The following CENPP variants were observed in gnomAD, a reference collection of about 807,000 sequenced individuals.
The protein encoded by CENPP is centromere protein P.
In CENPP, 24 loss-of-function variants were observed where a neutral mutation model predicts 35.6. The observed-to-expected ratio is 0.67, with a 90% CI of 0.49 to 0.95. The LOEUF is 0.95. Ranked by LOEUF, CENPP falls within the 40% of genes least tolerant of loss-of-function variation. CENPP has a pLI of 0.00. For missense variants in CENPP, 332 were observed against 345.3 expected (o/e 0.96, Z 0.31); for synonymous variants, 120 against 125.5 (o/e 0.96, Z 0.29).
In CENPP at chr9:92,407,040, G is replaced by C. The variant is rs148961736; in HGVS notation, c.564+27181G>C. 4.9e-3 allele frequency among the ~76,000 whole-genome samples: 749 copies of C among 152,228 alleles called. 6 individuals are homozygous for C. Among genetic ancestry groups the C allele is most frequent in the African/African-American group, 0.017 (727 of 41,546 alleles). ...GGATACACCCTAAAATCAGCCAAAGGGGGAGATGCGTAGGGGCAGTGTCTA... is the reference window on the plus strand; with the variant it reads ...GGATACACCCTAAAATCAGCCAAAGCGGGAGATGCGTAGGGGCAGTGTCTA... On this transcript the variant is annotated intron_variant, in intron 5 of 7. Transcript: ENST00000375587.
chr9:92,360,428 G>T (rs1246856394), intron 4 of CENPP, among the ~76,000 whole-genome samples: 1 of 152,250 alleles, frequency 6.6e-6, no homozygotes, highest in African/African-American at 2.4e-5. Flanking sequence ...TTAGCTTATT[G>T]TAGTGGGGTG....
intron 4 of CENPP, among the ~76,000 whole-genome samples, chr9:92,378,301 G>A (rs1195098556): frequency 6.6e-6 from 1 of 152,136 alleles, no homozygotes; most frequent in African/African-American, 2.4e-5. Flanking sequence ...CTTCTGCCAG[G>A]CCTGTTTCTT....
At chr9:92,401,353 G>C (rs1843104090) in intron 5 of CENPP, among the ~76,000 whole-genome samples, 1 of 152,090 alleles carries the variant, frequency 6.6e-6, no homozygotes, top group African/African-American at 2.4e-5. Context: ...ATTACAATAA[G>C]TATTTTTTAG....
At chr9:92,531,484 A>T (rs897142509) in intron 5 of CENPP, among the ~76,000 whole-genome samples, 3 of 152,150 alleles carry the variant, frequency 2.0e-5, no homozygotes, top group African/African-American at 7.2e-5. Flanking sequence ...GTCAAAGTTT[A>T]TTTAGATCAG....
At chr9:92,533,320 AAAAAAAAAAT>A (rs1038131591) in intron 5 of CENPP, among the ~76,000 whole-genome samples, 1 of 92,472 alleles carries the variant, frequency 1.1e-5, no homozygotes, top group African/African-American at 4.3e-5. Context: ...AAAAAAAAAA[AAAAAAAAAAT>A]ATATATATAT....
In CENPP at chr9:92,349,813, A is replaced by G. The variant is rs113221740; in HGVS notation, c.467+4026A>G. ...TGCATTCATGCTGCTACAAACATTCATATGCTATAAATATGTATATTACAC... is the reference window on the plus strand; with the variant it reads ...TGCATTCATGCTGCTACAAACATTCGTATGCTATAAATATGTATATTACAC... On this transcript the variant is annotated intron_variant, in intron 4 of 7. Transcript: ENST00000375587. Among the ~76,000 whole-genome samples the G allele has an allele frequency of 1.6e-4, 25 of 152,340 alleles. 1 individual carries two copies. Among genetic ancestry groups the G allele is most frequent in the Non-Finnish European group, 2.5e-4 (17 of 68,032 alleles).
intron 5 of CENPP, among the ~76,000 whole-genome samples, chr9:92,524,008 C>G (rs1469600304): frequency 6.6e-6 from 1 of 152,164 alleles, no homozygotes; most frequent in African/African-American, 2.4e-5. Context: ...AACTCATTAC[C>G]AGTAAAGGTG....
intron 5 of CENPP, among the ~76,000 whole-genome samples, chr9:92,481,897 G>A (rs1475554356): frequency 6.6e-6 from 1 of 151,752 alleles, no homozygotes; most frequent in Non-Finnish European, 1.5e-5. Context: ...TATATTTACT[G>A]TTTCATTTAA....
chr9:92,359,249 T>G (rs1841675805), intron 4 of CENPP, among the ~76,000 whole-genome samples: 1 of 152,134 alleles, frequency 6.6e-6, no homozygotes, highest in South Asian at 2.1e-4. Flanking sequence ...GTGCCCAGCC[T>G]TCTTTTATAT....
chr9:92,428,014 G>A (rs1385120880), intron 5 of CENPP, among the ~76,000 whole-genome samples: 1 of 152,078 alleles, frequency 6.6e-6, no homozygotes, highest in African/African-American at 2.4e-5. Flanking sequence ...CATTCTAAAT[G>A]GAATCAAGTT....
intron 5 of CENPP, chr9:92,384,283 C>T (rs1048588027): frequency 6.6e-6 from 1 of 152,078 alleles, no homozygotes; most frequent in Non-Finnish European, 1.5e-5. Flanking sequence ...AACTGAAAAA[C>T]ATCTGACATT....
At chr9:92,352,067 C>T (rs1195725223) in intron 4 of CENPP, among the ~76,000 whole-genome samples, 2 of 148,030 alleles carry the variant, frequency 1.4e-5, no homozygotes, top group Non-Finnish European at 3.0e-5. Context: ...TTTATTTGCA[C>T]CATCTATATA....
intron 5 of CENPP, among the ~76,000 whole-genome samples, chr9:92,566,016 G>A (rs1455544404): frequency 6.6e-6 from 1 of 152,116 alleles, no homozygotes; most frequent in Non-Finnish European, 1.5e-5. Flanking sequence ...GACATACAAA[G>A]AAGCGGCCAA....
intron 1 of CENPP, among the ~76,000 whole-genome samples, chr9:92,328,050 C>A (rs1840625141): frequency 6.6e-6 from 1 of 152,248 alleles, no homozygotes; most frequent in African/African-American, 2.4e-5. Flanking sequence ...TGGTTAAGAA[C>A]TGAGTTTTTA....
chr9:92,361,044 T>C (rs1485668769), intron 4 of CENPP, among the ~76,000 whole-genome samples: 1 of 152,206 alleles, frequency 6.6e-6, no homozygotes. Flanking sequence ...GCTGCTGTTC[T>C]TGATATGGAG....
chr9:92,492,799 A>G (rs1452656799), intron 5 of CENPP, among the ~76,000 whole-genome samples: 1 of 152,226 alleles, frequency 6.6e-6, no homozygotes, highest in Non-Finnish European at 1.5e-5. Flanking sequence ...GGGGAAGTCC[A>G]GACTCAGCCA....
At chr9:92,325,692 C>T (rs767310823), upstream of CENPP, 85 of 340,066 alleles carry the variant, frequency 2.5e-4, no homozygotes, top group Non-Finnish European at 4.1e-4. Flanking sequence ...TCCAAGGCTG[C>T]CGGCTAGGGT....
chr9:92,505,874 C>T (rs979018946), intron 5 of CENPP, among the ~76,000 whole-genome samples: 1 of 152,022 alleles, frequency 6.6e-6, no homozygotes, highest in African/African-American at 2.4e-5. Context: ...ATGCTCAATT[C>T]AACCAGAACT....
intron 5 of CENPP, among the ~76,000 whole-genome samples, chr9:92,575,512 A>G (rs1263564468): frequency 1.3e-5 from 2 of 152,200 alleles, no homozygotes; most frequent in Non-Finnish European, 2.9e-5. Flanking sequence ...CCTCACACCC[A>G]TTAGAATGTC....
Sources: gnomAD v4.1 joint callset for allele counts (sites outside exome capture counted in the v4.1 genomes callset) on GRCh38, gnomAD v4.1.1 for gene constraint, MANE v1.5 for transcripts, NCBI Gene and HGNC (gene_info 2026-07-23, HGNC 2026-07-21) for gene names.